The following PEPD variants were observed in gnomAD, a reference collection of about 807,000 sequenced individuals.
PEPD encodes the protein xaa-Pro dipeptidase.
PEPD carries 53 observed loss-of-function variants against 60.7 expected under a neutral mutation model. The ratio of observed to expected loss-of-function variants is 0.87; its 90% CI spans 0.70 to 1.10. The LOEUF (loss-of-function observed/expected upper bound fraction) is 1.10. Ranked by LOEUF, PEPD falls within the 50% of genes least tolerant of loss-of-function variation. The probability of loss-of-function intolerance (pLI) is 0.00; values close to 1 mark genes in which losing one functional copy is unlikely to be tolerated. For missense variants in PEPD, 711 were observed against 711.9 expected (o/e 1.00, Z 0.01); for synonymous variants, 267 against 284.1 (o/e 0.94, Z 0.60).
intron 4 of PEPD, among the ~76,000 whole-genome samples, chr19:33,493,963 A>C (rs1224213673): frequency 4.6e-5 from 7 of 152,030 alleles, no homozygotes; most frequent in East Asian, 1.9e-4. Flanking sequence ...TCCAGCTCTT[A>C]TCTCTCCCTG....
At chr19:33,487,646 C>G (rs918141988) in intron 6 of PEPD, among the ~76,000 whole-genome samples, 1 of 152,190 alleles carries the variant, frequency 6.6e-6, no homozygotes, top group African/African-American at 2.4e-5. Flanking sequence ...GGGTGAGCAC[C>G]CCCCAGTCAG....
chr19:33,414,215 G>A lies in PEPD; in HGVS notation c.672-572C>T, dbSNP rs145789655. Among the ~76,000 whole-genome samples the A allele has an allele frequency of 7.8e-3, 1,187 of 152,304 alleles. 18 individuals are homozygous for A. The highest frequency in any genetic ancestry group is 0.027 in the African/African-American group (1,133 of 41,552). On this transcript the variant is annotated intron_variant, in intron 9 of 14. Coordinates refer to ENST00000244137, the MANE Select transcript of PEPD (RefSeq NM_000285.4). ...GGGATGTGGGAGAGGCAAGGCCTGGGGCACACATCCTGCTTCTCCCTCCTT... is the reference window on the plus strand; with the variant it reads ...GGGATGTGGGAGAGGCAAGGCCTGGAGCACACATCCTGCTTCTCCCTCCTT...
chr19:33,426,969 G>A (rs1410914966), intron 9 of PEPD, among the ~76,000 whole-genome samples: 3 of 152,218 alleles, frequency 2.0e-5, no homozygotes, highest in East Asian at 3.9e-4. Context: ...CCTCCACCGC[G>A]TGCGGCTGTG....
rs3217241 is a variant in PEPD, at chr19:33,443,980, GCA to G, written c.671+19013_671+19014del. 5.3e-3 allele frequency among the ~76,000 whole-genome samples: 805 copies of G among 151,996 alleles called. 7 individuals are homozygous for G. The highest frequency in any genetic ancestry group is 0.016 in the African/African-American group (682 of 41,440). On this transcript the variant is annotated intron_variant, in intron 9 of 14. Transcript: ENST00000244137. Reference sequence around the variant, plus strand: ...CATACAAGTGCACGCGCGTGCGCGCGCACACACACACACAGTGTGTCCTCAGG... The same window carrying G: ...CATACAAGTGCACGCGCGTGCGCGCGCACACACACACAGTGTGTCCTCAGG...
At chr19:33,464,318 G>C (rs1160608849) in intron 7 of PEPD, among the ~76,000 whole-genome samples, 1 of 152,240 alleles carries the variant, frequency 6.6e-6, no homozygotes, top group East Asian at 1.9e-4. Context: ...CCAGGGATAA[G>C]ATCTGGAAGC....
intron 9 of PEPD, among the ~76,000 whole-genome samples, chr19:33,454,341 C>A (rs367711397): frequency 3.3e-5 from 5 of 152,194 alleles, no homozygotes; most frequent in Non-Finnish European, 7.3e-5. Flanking sequence ...GTGGCTCACA[C>A]CTGTAATCCC....
At chr19:33,477,279 G>A (rs1254013351) in intron 7 of PEPD, 3 of 152,916 alleles carry the variant, frequency 2.0e-5, no homozygotes, top group Non-Finnish European at 2.9e-5. Flanking sequence ...GCTCTAAGAC[G>A]AGGCGAGTCA....
intron 11 of PEPD, among the ~76,000 whole-genome samples, chr19:33,406,430 G>C (rs371144497): frequency 6.6e-6 from 1 of 152,252 alleles, no homozygotes; most frequent in East Asian, 1.9e-4. Context: ...GGCCATGCCT[G>C]TGGGTCTGGA....
In PEPD at chr19:33,475,804, T is replaced by G. The variant is rs182785477; in HGVS notation, c.548+2242A>C. Among the ~76,000 whole-genome samples the G allele has an allele frequency of 4.5e-4, 69 of 152,312 alleles. 1 individual carries two copies. Among genetic ancestry groups the G allele is most frequent in the Non-Finnish European group, 4.4e-5 (3 of 68,020 alleles). On this transcript the variant is annotated intron_variant, in intron 7 of 14. Coordinates refer to ENST00000244137, the MANE Select transcript of PEPD (RefSeq NM_000285.4). ...TGGGGGCTACAGATAGGACAGGCTC[T>G]CTGGTTTCTCTTCAGATCCTATGAA... is the stretch of plus-strand genomic sequence containing the variant.
chr19:33,488,877 A>G (rs957336193), intron 6 of PEPD, among the ~76,000 whole-genome samples: 2 of 152,010 alleles, frequency 1.3e-5, no homozygotes, highest in African/African-American at 4.8e-5. Flanking sequence ...TGGGGGCTGT[A>G]GGGGATGCAT....
chr19:33,520,224 T>C (rs933119150), intron 1 of PEPD, among the ~76,000 whole-genome samples: 112 of 152,304 alleles, frequency 7.4e-4, no homozygotes, highest in African/African-American at 2.5e-3. Context: ...TGGCACTCCC[T>C]GTGAGCACCG....
At chr19:33,396,741 G>C (rs1206641175) in intron 12 of PEPD, among the ~76,000 whole-genome samples, 1 of 152,026 alleles carries the variant, frequency 6.6e-6, no homozygotes, top group East Asian at 1.9e-4. Context: ...GCTGGGTCGG[G>C]GCTGGGAGGC....
rs552102394 is a variant in PEPD, at chr19:33,397,374, G to A, written c.967+4347C>T. Among the ~76,000 whole-genome samples the A allele has an allele frequency of 1.7e-3, 262 of 150,764 alleles. 1 individual carries two copies. The highest frequency in any genetic ancestry group is 6.2e-3 in the African/African-American group (255 of 41,012). On this transcript the variant is annotated intron_variant, in intron 12 of 14. Coordinates refer to ENST00000244137, the MANE Select transcript of PEPD (RefSeq NM_000285.4). ...GTCGGGCAGTCTCGGTGGGGTGTTT[G>A]TCTTGGCCCAGGAATTGAACCCACG...
chr19:33,408,564 T>G (rs941013469), intron 11 of PEPD, among the ~76,000 whole-genome samples: 19 of 152,208 alleles, frequency 1.2e-4, no homozygotes, highest in African/African-American at 4.6e-4. Context: ...CCCACCCTTC[T>G]GCAGTACAGC....
At chr19:33,506,748 C>G (rs1568508401) in intron 3 of PEPD, among the ~76,000 whole-genome samples, 2 of 148,930 alleles carry the variant, frequency 1.3e-5, no homozygotes, top group African/African-American at 4.9e-5. Context: ...ACACCACACA[C>G]ACACCCATCA....
intron 3 of PEPD, among the ~76,000 whole-genome samples, chr19:33,508,249 G>A (rs1017568853): frequency 2.6e-5 from 4 of 152,144 alleles, no homozygotes; most frequent in African/African-American, 9.7e-5. Context: ...GGTCAAAACT[G>A]CAGGTGTCAC....
intron 7 of PEPD, among the ~76,000 whole-genome samples, chr19:33,476,900 T>C (rs1970226961): frequency 6.6e-6 from 1 of 152,122 alleles, no homozygotes; most frequent in Non-Finnish European, 1.5e-5. Flanking sequence ...CCTGACCTCA[T>C]GATCCACCCA....
chr19:33,453,313 T>TAAAAAAA (rs767526615), intron 9 of PEPD, among the ~76,000 whole-genome samples: 4 of 149,232 alleles, frequency 2.7e-5, no homozygotes, highest in Admixed American at 6.7e-5. Context: ...AACACTGTCA[T>TAAAAAAA]AAAAAAATAA....
intron 7 of PEPD, among the ~76,000 whole-genome samples, chr19:33,464,611 C>T (rs1345010839): frequency 6.6e-6 from 1 of 152,116 alleles, no homozygotes; most frequent in Non-Finnish European, 1.5e-5. Flanking sequence ...AACAGCTGGA[C>T]AGCAGACACA....
Sources: allele counts gnomAD v4.1 joint callset (sites outside exome capture counted in the v4.1 genomes callset), GRCh38; gene constraint gnomAD v4.1.1; transcripts MANE v1.5; gene names NCBI Gene and HGNC (gene_info 2026-07-23, HGNC 2026-07-21).